Variants in KLHL13 observed in about 807,000 individuals in gnomAD.
The protein encoded by KLHL13 is kelch-like protein 13.
In KLHL13, 10 loss-of-function variants were observed where a neutral mutation model predicts 37.1. The observed-to-expected ratio is 0.27, with a 90% CI of 0.17 to 0.46. The LOEUF is 0.46. Among genes scored for constraint, KLHL13 ranks in the 20% least tolerant of loss-of-function variants. KLHL13 has a pLI of 1.00. For missense variants in KLHL13, 360 were observed against 509.3 expected (o/e 0.71, Z 2.82); for synonymous variants, 163 against 181.2 (o/e 0.90, Z 0.81).
chrX:117,974,778 C>T (rs1056703988), upstream of KLHL13, among the ~76,000 whole-genome samples: 1 of 111,242 alleles, frequency 9.0e-6, no homozygotes, highest in Non-Finnish European at 1.9e-5. Flanking sequence ...GAAAGATTGA[C>T]AAGTAATATA....
At chrX:117,967,573 G>A (rs901976353) in intron 1 of KLHL13, among the ~76,000 whole-genome samples, 1 of 111,154 alleles carries the variant, frequency 9.0e-6, no homozygotes, top group African/African-American at 3.3e-5. Flanking sequence ...TTGCAATGGG[G>A]GAAGCGATTA....
At chrX:118,045,371 C>CAAA (rs55736320) in intron 1 of KLHL13, among the ~76,000 whole-genome samples, 3 of 72,578 alleles carry the variant, frequency 4.1e-5, no homozygotes, top group Non-Finnish European at 8.0e-5. Context: ...AAGACTCCAT[C>CAAA]AAAAAAAAAA....
intron 2 of KLHL13, among the ~76,000 whole-genome samples, chrX:117,930,936 A>C (rs1569418825): frequency 8.9e-6 from 1 of 112,272 alleles, no homozygotes; most frequent in East Asian, 2.8e-4. Context: ...CAACGTACTA[A>C]CATTATATTT....
chrX:118,010,071 A>T (rs1410562763), intron 1 of KLHL13, among the ~76,000 whole-genome samples: 1 of 108,040 alleles, frequency 9.3e-6, no homozygotes, highest in Non-Finnish European at 1.9e-5. Context: ...AATGGTAATC[A>T]TTAAAAAGTC....
At chrX:117,965,584 C>T (rs946523673) in intron 1 of KLHL13, among the ~76,000 whole-genome samples, 10 of 110,720 alleles carry the variant, frequency 9.0e-5, no homozygotes, top group Non-Finnish European at 1.1e-4. Context: ...TACCAAAGTC[C>T]GGCAGAGACA....
intron 1 of KLHL13, among the ~76,000 whole-genome samples, chrX:117,948,654 C>A (rs1036974098): frequency 9.0e-6 from 1 of 111,356 alleles, no homozygotes; most frequent in Admixed American, 9.6e-5. Context: ...AAAAATTAAA[C>A]CTCTCTTTTC....
intron 1 of KLHL13, among the ~76,000 whole-genome samples, chrX:118,069,411 T>C (rs1478081376): frequency 2.8e-5 from 2 of 70,798 alleles, no homozygotes; most frequent in African/African-American, 1.2e-4. Context: ...CAAAAAAAAG[T>C]TTAAAATGTA....
At chrX:117,925,155 G>A (rs926807106) in intron 2 of KLHL13, among the ~76,000 whole-genome samples, 2 of 111,317 alleles carry the variant, frequency 1.8e-5, no homozygotes, top group Non-Finnish European at 3.8e-5. Context: ...TGAATAATTT[G>A]TATAAAAATT....
chrX:118,084,817 A>C (rs2055035444), intron 1 of KLHL13, among the ~76,000 whole-genome samples: 1 of 111,054 alleles, frequency 9.0e-6, no homozygotes, highest in Non-Finnish European at 1.9e-5. Context: ...ACTTGAGACC[A>C]GGAGTTTGAG....
At chrX:118,086,289 G>A (rs1308592149) in intron 1 of KLHL13, among the ~76,000 whole-genome samples, 1 of 111,080 alleles carries the variant, frequency 9.0e-6, no homozygotes, top group Non-Finnish European at 1.9e-5. Context: ...ACCCAATAGT[G>A]GGACTGATAG....
chrX:118,053,419 T>A (rs2054639406), intron 1 of KLHL13, among the ~76,000 whole-genome samples: 1 of 111,021 alleles, frequency 9.0e-6, no homozygotes, highest in Non-Finnish European at 1.9e-5. Context: ...ATGTTCTCAC[T>A]CATAGGTGGG....
upstream of KLHL13, among the ~76,000 whole-genome samples, chrX:117,977,043 T>C (rs1274917415): frequency 8.9e-6 from 1 of 112,015 alleles, no homozygotes; most frequent in African/African-American, 3.2e-5. Flanking sequence ...TCTCCTAGTA[T>C]AGGACTCTTG....
intron 1 of KLHL13, among the ~76,000 whole-genome samples, chrX:118,062,546 T>A (rs1346365322): frequency 3.7e-5 from 4 of 107,069 alleles, no homozygotes; most frequent in African/African-American, 1.0e-4. Context: ...CTTTTTGTTT[T>A]AAAAAAAAAA....
intron 1 of KLHL13, among the ~76,000 whole-genome samples, chrX:118,070,517 C>A (rs762094543): frequency 1.8e-5 from 2 of 111,375 alleles, no homozygotes; most frequent in African/African-American, 3.3e-5. Context: ...AGTATATGGT[C>A]AATTTTAATA....
intron 1 of KLHL13, among the ~76,000 whole-genome samples, chrX:118,032,188 T>A (rs1458668340): frequency 3.6e-5 from 4 of 111,224 alleles, no homozygotes; most frequent in Non-Finnish European, 7.5e-5. Context: ...TTGCCCAGGC[T>A]TGCTTAGGTA....
intron 1 of KLHL13, among the ~76,000 whole-genome samples, chrX:117,988,611 G>A (rs1420492565): frequency 8.9e-6 from 1 of 111,802 alleles, no homozygotes; most frequent in Non-Finnish European, 1.9e-5. Flanking sequence ...GGGGAAGATG[G>A]GGGTCAAAGG....
intron 1 of KLHL13, among the ~76,000 whole-genome samples, chrX:118,096,764 C>T (rs1450458484): frequency 8.9e-6 from 1 of 111,744 alleles, no homozygotes; most frequent in Non-Finnish European, 1.9e-5. Context: ...GGATGCAAGG[C>T]TGGTTCAATA....
chrX:118,031,676 C>G (rs1254754329), intron 1 of KLHL13, among the ~76,000 whole-genome samples: 6 of 98,834 alleles, frequency 6.1e-5, no homozygotes, highest in Non-Finnish European at 1.2e-4. Context: ...ATATATATAA[C>G]TAAAATTTTT....
At chrX:117,909,926 A>C in exon 5 of KLHL13, 1 of 1,211,774 alleles carries the variant, frequency 8.3e-7, no homozygotes, top group South Asian at 1.8e-5. Context: ...GCTTAAGGCT[A>C]TTACTGGAAA....
Sources: allele counts gnomAD v4.1 joint callset (sites outside exome capture counted in the v4.1 genomes callset), GRCh38; gene constraint gnomAD v4.1.1; transcripts MANE v1.5; gene names NCBI Gene and HGNC (gene_info 2026-07-23, HGNC 2026-07-21).